The following NRG2 variants were observed in gnomAD, a reference collection of about 807,000 sequenced individuals.
NRG2 encodes the protein neuregulin 2.
NRG2 carries 27 observed loss-of-function variants against 73.9 expected under a neutral mutation model. That is an observed-to-expected ratio of 0.37 (90% CI 0.27 to 0.50). The LOEUF (loss-of-function observed/expected upper bound fraction) is 0.50, where lower values mean the gene tolerates loss of function less well. Ranked by LOEUF, NRG2 falls within the 20% of genes least tolerant of loss-of-function variation. The pLI, the probability that NRG2 is intolerant of heterozygous loss-of-function variation, is 0.96. For missense variants in NRG2, 1,126 were observed against 1,210.1 expected, an observed-to-expected ratio of 0.93 and a Z score of 1.03; for synonymous variants, 532 against 541.0, an observed-to-expected ratio of 0.98 and a Z score of 0.23.
intron 9 of NRG2, 78 bp from the exon 10 acceptor site, chr5:139,848,775 G>GGGGGGGGGGGGGGGTC: frequency 1.7e-6 from 1 of 601,720 alleles, no homozygotes; most frequent in Non-Finnish European, 2.4e-6. Flanking sequence ...GTGGGGTAGG[G>GGGGGGGGGGGGGGGTC]TGGGAGGGGC....
intron 1 of NRG2, among the ~76,000 whole-genome samples, chr5:139,941,509 T>G (rs893424009): frequency 7.2e-5 from 11 of 152,190 alleles, no homozygotes; most frequent in African/African-American, 2.7e-4. Context: ...TTTGAAAATG[T>G]CTTTTTCATA....
chr5:139,969,225 A>G (rs1755801776), intron 1 of NRG2, among the ~76,000 whole-genome samples: 2 of 152,260 alleles, frequency 1.3e-5, no homozygotes, highest in Admixed American at 1.3e-4. Context: ...ATAACTTGTT[A>G]TGACTCTGAC....
At chr5:139,997,228 T>C (rs1580906163) in intron 1 of NRG2, among the ~76,000 whole-genome samples, 1 of 152,130 alleles carries the variant, frequency 6.6e-6, no homozygotes, top group African/African-American at 2.4e-5. Context: ...CCAATTTTAA[T>C]TAAGATTTAT....
intron 1 of NRG2, among the ~76,000 whole-genome samples, chr5:139,966,315 T>C (rs1290805995): frequency 2.0e-5 from 3 of 152,192 alleles, no homozygotes; most frequent in African/African-American, 7.2e-5. Context: ...TCTGAGCACT[T>C]ACGCGACAGG....
At chr5:140,030,445 A>G (rs1761044684) in intron 1 of NRG2, among the ~76,000 whole-genome samples, 1 of 152,166 alleles carries the variant, frequency 6.6e-6, no homozygotes, top group Non-Finnish European at 1.5e-5. Context: ...AGGCTGTAAC[A>G]CCACACAGGA....
intron 1 of NRG2, among the ~76,000 whole-genome samples, chr5:140,015,639 C>A (rs1227805663): frequency 2.6e-5 from 4 of 152,206 alleles, no homozygotes; most frequent in African/African-American, 9.6e-5. Context: ...CCACTCCCAG[C>A]CTGGAGCTTT....
chr5:139,885,330 C>T (rs903944837), intron 2 of NRG2, among the ~76,000 whole-genome samples: 3 of 152,128 alleles, frequency 2.0e-5, no homozygotes, highest in Non-Finnish European at 4.4e-5. Context: ...CCACAGGGCC[C>T]GGGGAGCAGG....
chr5:139,889,240 T>G (rs940724955), intron 1 of NRG2, among the ~76,000 whole-genome samples: 10 of 152,160 alleles, frequency 6.6e-5, no homozygotes, highest in Non-Finnish European at 1.5e-4. Flanking sequence ...TTCAAGGAAA[T>G]GAAAGTTATG....
chr5:139,887,405 A>G lies in NRG2; in HGVS notation c.807T>C (p.Arg269=). 9 of 1,614,176 alleles carry G rather than the reference A, an allele frequency of 5.6e-6. No individual in the cohort carries two copies. Among genetic ancestry groups the G allele is most frequent in the Non-Finnish European group, 5.9e-6 (7 of 1,180,020 alleles). Residue 269 remains arginine (R), a synonymous_variant, in exon 2 of 10, where the codon CGT becomes CGC. Coordinates refer to ENST00000361474, the MANE Select transcript of NRG2 (RefSeq NM_004883.3). This position sits in a 1 kb window ranked among gnomAD's most constrained non-coding sequence, Gnocchi z 4.5. ...TGAGCTCCTTGCCATCCTTGAACCA[A>G]CGGTAGGAAGGCTGGGGATTACCGG... The part of the protein sequence containing the change: ...AAAGNPQPSY[R]WFKDGKELNR...
At chr5:139,861,340 C>G (rs1252810636) in intron 5 of NRG2, among the ~76,000 whole-genome samples, 2 of 152,182 alleles carry the variant, frequency 1.3e-5, no homozygotes, top group African/African-American at 2.4e-5. Flanking sequence ...ACGTGGCAAT[C>G]CGCAGGAAGT....
intron 1 of NRG2, among the ~76,000 whole-genome samples, chr5:139,941,833 C>T (rs1753422068): frequency 6.6e-6 from 1 of 152,112 alleles, no homozygotes; most frequent in East Asian, 1.9e-4. Flanking sequence ...GAACGGAGAG[C>T]TTGCTTCTTG....
chr5:139,871,664 GA>G (rs1762860336), intron 4 of NRG2, 56 bp downstream of exon 4: 1 of 1,603,802 alleles, frequency 6.2e-7, no homozygotes, highest in South Asian at 1.1e-5. Context: ...CTCCACTTCT[GA>G]CCCAGCATCT....
In NRG2 at chr5:139,848,433, G is replaced by A; in HGVS notation, c.2037C>T (p.Tyr679=). The stretch of plus-strand genomic sequence containing the variant: ...GCCGCGGTCCGGGCCCCGCCGCGGG[G>A]TAATAGTAGCTGTCATAGCTGCGCT... ...DMQRSYDSYY[Y]PAAGPGPRRG... is the part of the protein sequence containing the mutation. The change falls in exon 10 of 10, where the codon TAC becomes TAT. Residue 679 remains tyrosine (Y), a synonymous_variant. Transcript: ENST00000361474. The A allele has an allele frequency of 7.7e-7, 1 of 1,306,494 alleles. No individual in the cohort carries two copies. The highest frequency in any genetic ancestry group is 2.4e-5 in the South Asian group (1 of 42,390). The allele number at this position is 1,306,494 out of a possible 1,614,324, so 80.9% of individuals were successfully genotyped here. A position where few individuals can be genotyped will look rare whatever the true frequency, so the allele number is the denominator to read the frequency against.
At chr5:139,962,020 T>C (rs1203964388) in intron 1 of NRG2, among the ~76,000 whole-genome samples, 5 of 152,128 alleles carry the variant, frequency 3.3e-5, no homozygotes, top group African/African-American at 1.2e-4. Context: ...GAGCTGGTCA[T>C]TGGGATTTAG....
chr5:139,964,518 T>C (rs1464065373), intron 1 of NRG2, among the ~76,000 whole-genome samples: 4 of 152,152 alleles, frequency 2.6e-5, no homozygotes, highest in South Asian at 2.1e-4. Flanking sequence ...CATGAGCACA[T>C]GCACCCAATC....
At chr5:139,938,883 G>GAAGGAAA in intron 1 of NRG2, among the ~76,000 whole-genome samples, 1 of 48,226 alleles carries the variant, frequency 2.1e-5, no homozygotes, top group East Asian at 7.0e-4. Flanking sequence ...AGAGAGAGAA[G>GAAGGAAA]GAAAGAAAGA....
At chr5:139,960,898 A>G (rs1280440063) in intron 1 of NRG2, among the ~76,000 whole-genome samples, 1 of 152,240 alleles carries the variant, frequency 6.6e-6, no homozygotes, top group African/African-American at 2.4e-5. Context: ...CAAAAAGCCC[A>G]AGACCTGGAG....
rs754581794 is a variant in NRG2 at position 139,865,040 on chromosome 5, A to T, written c.1189+509T>A. ...TCTACATCTCCCCCTAGTCTTGCTA[A>T]GCAAGGCCCCATCCCTCCCCAGGGG... On this transcript the variant is annotated intron_variant, in intron 5 of 9. Coordinates refer to ENST00000361474, the MANE Select transcript of NRG2 (RefSeq NM_004883.3). The surrounding 1 kb of genome is among the most constrained non-coding windows in gnomAD (Gnocchi z 5.2). 2.3e-6 allele frequency: 3 copies of T among 1,296,546 alleles called. No homozygotes were observed. Among genetic ancestry groups the T allele is most frequent in the South Asian group, 2.4e-5 (2 of 84,354 alleles). 80.3% of individuals were successfully genotyped at this position (1,296,546 alleles called of 1,614,324 possible). A position where few individuals can be genotyped will look rare whatever the true frequency, so the allele number is the denominator to read the frequency against.
chr5:139,864,154 C>G (rs368772292), intron 5 of NRG2, among the ~76,000 whole-genome samples: 96 of 152,266 alleles, frequency 6.3e-4, no homozygotes, highest in African/African-American at 2.2e-3. Context: ...AGGGGCCTAG[C>G]CTGCTCTGCA....
Sources: gnomAD v4.1 joint callset for allele counts (sites outside exome capture counted in the v4.1 genomes callset) on GRCh38, gnomAD v4.1.1 for gene constraint, Gnocchi (gnomAD v3.1) non-coding constraint, MANE v1.5 for transcripts, NCBI Gene and HGNC (gene_info 2026-07-23, HGNC 2026-07-21) for gene names.